Variants in RTF2 observed in about 807,000 individuals in gnomAD.
RTF2 encodes the protein UPF0549 protein C20orf43.
Under a neutral mutation model 38.0 loss-of-function variants are expected in RTF2, and 18 were observed. The ratio of observed to expected loss-of-function variants is 0.47; its 90% CI spans 0.33 to 0.70. RTF2 has a LOEUF of 0.70. RTF2 is among the 30% of genes least tolerant of loss of function. The probability of loss-of-function intolerance (pLI) is 0.02; values close to 1 mark genes in which losing one functional copy is unlikely to be tolerated. For synonymous variants in RTF2, 126 were observed against 137.1 expected (o/e 0.92, Z 0.57); for missense variants, 311 against 379.6 (o/e 0.82, Z 1.50).
Position 56,518,098 on chromosome 20 carries a change from A to C in RTF2, c.754A>C (p.Ser252Arg), listed in dbSNP as rs1275171073. ...LAPKSTAMNE[S>R]SSGKAGKPPC... Reference sequence around the variant, plus strand: ...CTTCATTTTTCTAGCAATGAATGAGAGCTCTTCTGGAAAAGCTGGGAAGCC... The same window carrying C: ...CTTCATTTTTCTAGCAATGAATGAGCGCTCTTCTGGAAAAGCTGGGAAGCC... Residue 252 changes from serine (S) to arginine (R), a missense_variant, in exon 9 of 9, where the codon AGC (serine) becomes CGC (arginine). Transcript: ENST00000357348. The C allele has an allele frequency of 6.2e-7, 1 of 1,609,748 alleles. No individual in the cohort carries two copies. Among genetic ancestry groups the C allele is most frequent in the Admixed American group, 1.7e-5 (1 of 58,556 alleles).
At position 56,473,281 on chromosome 20, in the gene RTF2, A is replaced by C. The variant is rs1476954649; in HGVS notation, c.70-20A>C. ...GTCTTTCAGAGTTGAAAATTAATTG[A>C]ATTTTTTGTTTTTTATTAGGTCGAC... On this transcript the variant is annotated intron_variant, in intron 1 of 8. Transcript: ENST00000357348. 2 of 1,576,488 alleles carry C rather than the reference A, an allele frequency of 1.3e-6. No homozygotes were observed. The highest frequency in any genetic ancestry group is 1.7e-6 in the Non-Finnish European group (2 of 1,146,536).
chr20:56,503,083 A>C (rs1030327418), intron 5 of RTF2, among the ~76,000 whole-genome samples: 33 of 152,216 alleles, frequency 2.2e-4, no homozygotes, highest in Admixed American at 3.9e-4. Flanking sequence ...ATGCGGCCCC[A>C]AAACTGTAAC....
At chr20:56,500,212 A>C (rs1248011925) in intron 5 of RTF2, among the ~76,000 whole-genome samples, 1 of 149,324 alleles carries the variant, frequency 6.7e-6, no homozygotes, top group Non-Finnish European at 1.5e-5. Flanking sequence ...GCACCACCAC[A>C]CTCAGCTAAT....
At chr20:56,473,249 A>G in intron 1 of RTF2, 52 bp from the exon 2 acceptor site, 1 of 1,285,600 alleles carries the variant, frequency 7.8e-7, no homozygotes, top group South Asian at 1.2e-5. Flanking sequence ...AGAATTGTGA[A>G]CCATGTGTCT....
At chr20:56,500,051 G>A (rs1345068784) in intron 5 of RTF2, among the ~76,000 whole-genome samples, 1 of 150,990 alleles carries the variant, frequency 6.6e-6, no homozygotes, top group Admixed American at 6.6e-5. Flanking sequence ...TTGTTTTTTT[G>A]GTTTTCTGTT....
intron 3 of RTF2, among the ~76,000 whole-genome samples, chr20:56,476,320 G>C (rs1047500838): frequency 6.6e-6 from 1 of 152,136 alleles, no homozygotes; most frequent in African/African-American, 2.4e-5. Context: ...AGCAGCCTCA[G>C]AGAGGATTCA....
At chr20:56,495,287 A>T in intron 5 of RTF2, 11 of 1,551,316 alleles carry the variant, frequency 7.1e-6, no homozygotes, top group Non-Finnish European at 9.6e-6. Flanking sequence ...TTGGTGTAGC[A>T]CCTGGAGCAT....
At chr20:56,514,827 G>T (rs1433062557) in intron 6 of RTF2, among the ~76,000 whole-genome samples, 1 of 152,164 alleles carries the variant, frequency 6.6e-6, no homozygotes, top group African/African-American at 2.4e-5. Flanking sequence ...GATGCGAGTA[G>T]AAATACTCCG....
intron 5 of RTF2, among the ~76,000 whole-genome samples, chr20:56,488,337 G>A (rs1982901926): frequency 6.6e-6 from 1 of 152,020 alleles, no homozygotes; most frequent in South Asian, 2.1e-4. Context: ...CTCCAGCCTG[G>A]GCGACAGAGC....
rs1304207315 is a variant in RTF2 at position 56,518,945 on chromosome 20, T to A, written c.*680T>A. On this transcript the variant is annotated 3_prime_UTR_variant, in exon 9 of 9. Transcript: ENST00000357348. Reference sequence around the variant, plus strand: ...TGCTTGGGTAAGAACATTGCAGCCGTTGCATTGGTGATTACAGGAGTCATT... The same window carrying A: ...TGCTTGGGTAAGAACATTGCAGCCGATGCATTGGTGATTACAGGAGTCATT... The A allele has an allele frequency of 6.6e-6, 1 of 152,244 alleles. No individual in the cohort carries two copies. Among genetic ancestry groups the A allele is most frequent in the Non-Finnish European group, 1.5e-5 (1 of 68,048 alleles). The allele number at this position is 152,244 out of a possible 1,614,324, so 9.4% of individuals were successfully genotyped here.
intron 5 of RTF2, among the ~76,000 whole-genome samples, chr20:56,508,540 A>G (rs558265012): frequency 6.6e-6 from 1 of 152,340 alleles, no homozygotes. Context: ...TTAAACATCT[A>G]TGACTATAAC....
chr20:56,478,024 A>G (rs964923614), intron 4 of RTF2, among the ~76,000 whole-genome samples: 2 of 152,228 alleles, frequency 1.3e-5, no homozygotes, highest in Non-Finnish European at 2.9e-5. Context: ...GGGTTAGTAC[A>G]TGCTTTTTCA....
intron 4 of RTF2, among the ~76,000 whole-genome samples, chr20:56,482,712 G>A (rs1158501105): frequency 6.6e-6 from 1 of 152,202 alleles, no homozygotes; most frequent in Non-Finnish European, 1.5e-5. Flanking sequence ...ACTGGATTTT[G>A]GTTAGGCCAA....
chr20:56,487,216 C>T (rs150441285), intron 5 of RTF2, among the ~76,000 whole-genome samples: 71 of 152,278 alleles, frequency 4.7e-4, no homozygotes, highest in African/African-American at 1.5e-3. Flanking sequence ...CACTGTCTGC[C>T]GAGCTTCACA....
At chr20:56,475,951 G>A (rs1483171110) in intron 3 of RTF2, among the ~76,000 whole-genome samples, 1 of 152,244 alleles carries the variant, frequency 6.6e-6, no homozygotes, top group Non-Finnish European at 1.5e-5. Flanking sequence ...TCGGAGCAGA[G>A]AACTCAGTGA....
Position 56,497,744 on chromosome 20 carries a change from A to G in RTF2, c.477+13555A>G. 3 of 468,836 alleles carry G rather than the reference A, an allele frequency of 6.4e-6. No individual in the cohort carries two copies. The South Asian group carries it at 6.6e-5, about 10-fold the overall frequency. The allele number at this position is 468,836 out of a possible 1,614,324, so 29.0% of individuals were successfully genotyped here. ...TTTATTGAAATACACTAAACTACAT[A>G]TACACACCCATGAAACTGTCATTGC... On this transcript the variant is annotated intron_variant, in intron 5 of 8. Coordinates refer to ENST00000357348, the MANE Select transcript of RTF2 (RefSeq NM_016407.5).
At chr20:56,469,537 T>A (rs1019148298) in intron 1 of RTF2, among the ~76,000 whole-genome samples, 2 of 152,238 alleles carry the variant, frequency 1.3e-5, no homozygotes, top group African/African-American at 4.8e-5. Context: ...ATTTCAAAGT[T>A]AGCACAAGTA....
intron 4 of RTF2, among the ~76,000 whole-genome samples, chr20:56,478,513 A>G (rs1355418674): frequency 1.3e-5 from 2 of 152,162 alleles, no homozygotes; most frequent in Non-Finnish European, 2.9e-5. Flanking sequence ...TTATGTTTAT[A>G]CTATAGTCTA....
At chr20:56,497,028 G>T in intron 5 of RTF2, 1 of 1,551,612 alleles carries the variant, frequency 6.4e-7, no homozygotes, top group Non-Finnish European at 8.7e-7. Flanking sequence ...TTGAAATTTA[G>T]AATGCACTAG....
Sources: allele counts gnomAD v4.1 joint callset (sites outside exome capture counted in the v4.1 genomes callset), GRCh38; gene constraint gnomAD v4.1.1; transcripts MANE v1.5; gene names NCBI Gene and HGNC (gene_info 2026-07-23, HGNC 2026-07-21).